The following LINGO2 variants were observed in gnomAD, a reference collection of about 807,000 sequenced individuals.
LINGO2 encodes the protein leucine rich repeat and Ig domain containing 2.
A neutral mutation model predicts 30.6 loss-of-function variants in LINGO2; 14 were observed. That is an observed-to-expected ratio of 0.46 (90% confidence interval 0.30 to 0.72). The LOEUF (loss-of-function observed/expected upper bound fraction) is 0.72, where lower values mean the gene tolerates loss of function less well. Ranked by LOEUF, LINGO2 falls within the 30% of genes least tolerant of loss-of-function variation. The pLI is 0.07. For missense variants in LINGO2, 729 were observed against 751.7 expected (o/e 0.97, Z 0.35); for synonymous variants, 317 against 288.5 (o/e 1.10, Z -1.00).
At chr9:28,102,888 T>C (rs1033901860) in intron 4 of LINGO2, among the ~76,000 whole-genome samples, 4 of 152,274 alleles carry the variant, frequency 2.6e-5, no homozygotes, top group African/African-American at 9.6e-5. Flanking sequence ...AGCAATGAAC[T>C]AAGCTTTGGA....
At chr9:28,501,398 G>A (rs1173476092) in intron 1 of LINGO2, among the ~76,000 whole-genome samples, 2 of 152,080 alleles carry the variant, frequency 1.3e-5, no homozygotes, top group African/African-American at 2.4e-5. Context: ...TTGTAAATAC[G>A]ATGAAGAAAT....
At chr9:28,182,705 A>G (rs916161872) in intron 4 of LINGO2, among the ~76,000 whole-genome samples, 8 of 152,356 alleles carry the variant, frequency 5.3e-5, no homozygotes, top group Non-Finnish European at 8.8e-5. Flanking sequence ...ACATGAAAAA[A>G]AGCTCAACAT....
chr9:28,987,093 T>TTG, the LINGO2 span, among the ~76,000 whole-genome samples: 1 of 127,416 alleles, frequency 7.8e-6, no homozygotes, highest in Non-Finnish European at 1.7e-5. Context: ...TTTTTTTTGG[T>TTG]GGAGTCTTTA....
intron 1 of LINGO2, among the ~76,000 whole-genome samples, chr9:28,503,578 A>G (rs1819980144): frequency 6.6e-6 from 1 of 152,024 alleles, no homozygotes; most frequent in Non-Finnish European, 1.5e-5. Context: ...AGTGAAAAAA[A>G]AATTGTTATT....
chr9:29,006,848 G>C, the LINGO2 span, among the ~76,000 whole-genome samples: 2 of 152,090 alleles, frequency 1.3e-5, no homozygotes, highest in African/African-American at 2.4e-5. Flanking sequence ...CTGTAGAACA[G>C]ATGCTCTCCA....
chr9:28,762,577 C>T, the LINGO2 span, among the ~76,000 whole-genome samples: 1 of 152,030 alleles, frequency 6.6e-6, no homozygotes, highest in African/African-American at 2.4e-5. Flanking sequence ...AGGAGCACGG[C>T]AACTTGATTG....
chr9:29,115,383 G>A, the LINGO2 span, among the ~76,000 whole-genome samples: 28,564 of 151,784 alleles, frequency 0.19, 2,845 homozygotes, highest in East Asian at 0.34. Flanking sequence ...CAGGTAAAGT[G>A]TTCAAATAAT....
chr9:29,104,378 C>A, the LINGO2 span, among the ~76,000 whole-genome samples: 1 of 151,984 alleles, frequency 6.6e-6, no homozygotes. Context: ...TCCTGCTCTG[C>A]CATGGTAAGA....
At chr9:28,512,634 T>TATATATAC (rs1820452226) in intron 1 of LINGO2, among the ~76,000 whole-genome samples, 1 of 6,446 alleles carries the variant, frequency 1.6e-4, no homozygotes, top group African/African-American at 2.8e-4. Flanking sequence ...TATATATATA[T>TATATATAC]ATACACACAT....
chr9:28,721,063 T>TA, the LINGO2 span, among the ~76,000 whole-genome samples: 16 of 151,948 alleles, frequency 1.1e-4, no homozygotes, highest in African/African-American at 3.4e-4. Context: ...CAAACATATA[T>TA]AAAAAAAGCT....
chr9:28,215,480 C>T (rs1472808180), intron 4 of LINGO2, among the ~76,000 whole-genome samples: 1 of 151,792 alleles, frequency 6.6e-6, no homozygotes, highest in South Asian at 2.1e-4. Context: ...GAATTAGAAC[C>T]TTTATATTTT....
chr9:28,531,827 C>G (rs942017571), intron 1 of LINGO2, among the ~76,000 whole-genome samples: 1 of 151,780 alleles, frequency 6.6e-6, no homozygotes, highest in African/African-American at 2.4e-5. Context: ...AAAAAAAAAG[C>G]TTTTGTGTGT....
intron 2 of LINGO2, among the ~76,000 whole-genome samples, chr9:28,416,049 A>T (rs1357686380): frequency 6.6e-6 from 1 of 152,168 alleles, no homozygotes; most frequent in African/African-American, 2.4e-5. Flanking sequence ...ATTTGTATAA[A>T]AAAACTGTAA....
intron 5 of LINGO2, among the ~76,000 whole-genome samples, chr9:27,956,606 C>T (rs1819581526): frequency 6.6e-6 from 1 of 151,804 alleles, no homozygotes; most frequent in South Asian, 2.1e-4. Flanking sequence ...TTTAAGAGCC[C>T]CTAGAGCCTA....
At chr9:28,970,334 G>GT in the LINGO2 span, among the ~76,000 whole-genome samples, 2 of 152,120 alleles carry the variant, frequency 1.3e-5, no homozygotes, top group African/African-American at 4.8e-5. Flanking sequence ...GAGCAAGATG[G>GT]TAGAATACAA....
chr9:29,003,540 A>G, the LINGO2 span, among the ~76,000 whole-genome samples: 4 of 152,042 alleles, frequency 2.6e-5, no homozygotes, highest in Non-Finnish European at 4.4e-5. Context: ...AAATACAGTG[A>G]TAACTGTGAA....
the LINGO2 span, among the ~76,000 whole-genome samples, chr9:29,027,812 C>T: frequency 6.6e-6 from 1 of 152,226 alleles, no homozygotes; most frequent in South Asian, 2.1e-4. Context: ...TACTTAACTG[C>T]CCTAAACTTT....
chr9:28,078,625 C>T (rs1291365321), intron 4 of LINGO2, among the ~76,000 whole-genome samples: 3 of 147,996 alleles, frequency 2.0e-5, no homozygotes, highest in Non-Finnish European at 4.4e-5. Flanking sequence ...CTGAGGCGGG[C>T]GGATCACCTG....
chr9:28,744,610 G>T, the LINGO2 span, among the ~76,000 whole-genome samples: 82,197 of 110,116 alleles, frequency 0.75, 27,834 homozygotes, highest in Non-Finnish European at 0.8. Flanking sequence ...TATTCCCCTC[G>T]TGTGTGTGTG....
Sources: allele counts gnomAD v4.1 joint callset (sites outside exome capture counted in the v4.1 genomes callset), GRCh38; gene constraint gnomAD v4.1.1; transcripts MANE v1.5; gene names NCBI Gene and HGNC (gene_info 2026-07-23, HGNC 2026-07-21).